PTPN12: variants seen among roughly 807,000 people sequenced by gnomAD.
The protein encoded by PTPN12 is protein tyrosine phosphatase non-receptor type 12.
PTPN12 carries 29 observed loss-of-function variants against 97.6 expected under a neutral mutation model. The ratio of observed to expected loss-of-function variants is 0.30; its 90% CI spans 0.22 to 0.41. PTPN12 has a LOEUF of 0.41. Ranked by LOEUF, PTPN12 falls within the 10% of genes least tolerant of loss-of-function variation. The pLI is 1.00. For missense variants in PTPN12, 819 were observed against 926.0 expected, an observed-to-expected ratio of 0.88 and a Z score of 1.50; for synonymous variants, 327 against 300.4, an observed-to-expected ratio of 1.09 and a Z score of -0.91.
At chr7:77,626,660 TG>T in intron 12 of PTPN12, 44 bp from the exon 13 acceptor site, 1 of 1,525,116 alleles carries the variant, frequency 6.6e-7, no homozygotes, top group Non-Finnish European at 8.8e-7. Flanking sequence ...GGTATCAACT[TG>T]TTTAACAGTC....
At chr7:77,608,721 C>G (rs1036739813) in intron 9 of PTPN12, among the ~76,000 whole-genome samples, 1 of 152,086 alleles carries the variant, frequency 6.6e-6, no homozygotes, top group Non-Finnish European at 1.5e-5. Context: ...ACATGTTAAA[C>G]AGTTCCTTAA....
At chr7:77,628,607 G>A (rs1422411422) in intron 13 of PTPN12, among the ~76,000 whole-genome samples, 2 of 146,678 alleles carry the variant, frequency 1.4e-5, no homozygotes, top group African/African-American at 5.0e-5. Flanking sequence ...TTTTTTTTGA[G>A]TCTTGCACTG....
chr7:77,620,189 C>G (rs1463432686), intron 12 of PTPN12, among the ~76,000 whole-genome samples: 2 of 152,108 alleles, frequency 1.3e-5, no homozygotes, highest in African/African-American at 2.4e-5. Context: ...GTTCTTCTAC[C>G]TCTAACTACA....
chr7:77,603,617 TG>T, intron 8 of PTPN12, among the ~76,000 whole-genome samples: 1 of 152,150 alleles, frequency 6.6e-6, no homozygotes, highest in Non-Finnish European at 1.5e-5. Flanking sequence ...GTGGCCACTC[TG>T]TTTTTTTGTT....
At chr7:77,604,209 C>CATTTTTTTT (rs1554320981) in intron 8 of PTPN12, among the ~76,000 whole-genome samples, 28 of 52,800 alleles carry the variant, frequency 5.3e-4, no homozygotes, top group Admixed American at 1.7e-3. Context: ...TTTTTTCTTC[C>CATTTTTTTT]TTTTTTTTTT....
At chr7:77,583,510 T>C in intron 3 of PTPN12, 45 bp from the exon 4 acceptor site, 1 of 1,198,168 alleles carries the variant, frequency 8.3e-7, no homozygotes, top group Non-Finnish European at 1.2e-6. Context: ...TGAAATATTT[T>C]TGGTAATCAA....
intron 1 of PTPN12, among the ~76,000 whole-genome samples, chr7:77,542,013 TA>T (rs5885025): frequency 0.72 from 109,725 of 152,038 alleles, 41,025 homozygotes; most frequent in East Asian, 0.9. Context: ...ACCTAGGTTT[TA>T]ACTCCACACA....
At chr7:77,557,336 G>A (rs1408985328) in intron 1 of PTPN12, among the ~76,000 whole-genome samples, 2 of 152,082 alleles carry the variant, frequency 1.3e-5, no homozygotes, top group Non-Finnish European at 2.9e-5. Context: ...TACAGTTCAG[G>A]TTTCTTATGG....
chr7:77,619,349 G>A (rs1351593281), intron 12 of PTPN12, among the ~76,000 whole-genome samples: 1 of 152,092 alleles, frequency 6.6e-6, no homozygotes. Context: ...TGGGTCAGAC[G>A]GCCAGGGTCA....
At chr7:77,550,003 CCTAA>C (rs1807409551) in intron 1 of PTPN12, among the ~76,000 whole-genome samples, 1 of 152,166 alleles carries the variant, frequency 6.6e-6, no homozygotes, top group Non-Finnish European at 1.5e-5. Context: ...TTAAAATTAT[CCTAA>C]CTATAGTTCT....
intron 11 of PTPN12, 98 bp from the exon 12 acceptor site, chr7:77,618,382 G>T: frequency 6.3e-6 from 5 of 795,468 alleles, no homozygotes; most frequent in African/African-American, 1.8e-5. Flanking sequence ...AATTGGCATT[G>T]TTTAAGGATT....
At chr7:77,616,452 A>G (rs1473552345) in intron 11 of PTPN12, among the ~76,000 whole-genome samples, 3 of 152,244 alleles carry the variant, frequency 2.0e-5, no homozygotes, top group South Asian at 2.1e-4. Context: ...TGCTGACTTT[A>G]TTCAGTGCAT....
intron 1 of PTPN12, among the ~76,000 whole-genome samples, chr7:77,561,105 G>C (rs141406657): frequency 6.6e-6 from 1 of 151,980 alleles, no homozygotes; most frequent in Non-Finnish European, 1.5e-5. Flanking sequence ...GTTTTTTATA[G>C]AGTTGAGGTT....
chr7:77,567,343 A>G (rs1202139647), intron 1 of PTPN12, among the ~76,000 whole-genome samples: 1 of 152,212 alleles, frequency 6.6e-6, no homozygotes, highest in African/African-American at 2.4e-5. Context: ...GTGTTCTAAA[A>G]GTACATATAA....
intron 11 of PTPN12, among the ~76,000 whole-genome samples, chr7:77,611,322 A>T (rs560562570): frequency 6.6e-6 from 1 of 152,348 alleles, no homozygotes; most frequent in East Asian, 1.9e-4. Context: ...TTACTTTTTT[A>T]AAAAATAATT....
intron 8 of PTPN12, among the ~76,000 whole-genome samples, chr7:77,605,495 C>T (rs1332839908): frequency 1.4e-5 from 2 of 140,138 alleles, no homozygotes; most frequent in Non-Finnish European, 3.0e-5. Flanking sequence ...TCTCAGCTCA[C>T]TGCAACCTCC....
Position 77,537,430 on chromosome 7 carries a change from CG to C in PTPN12, c.-113del. 9.1e-7 allele frequency: 1 copy of C among 1,099,516 alleles called. No individual in the cohort carries two copies. The highest frequency in any genetic ancestry group is 1.1e-6 in the Non-Finnish European group (1 of 899,356). 68.1% of individuals were successfully genotyped at this position (1,099,516 alleles called of 1,614,324 possible). ...AGGAGGAGGGAGCCGCGGGGCTTGG[CG>C]GGGTCGGGAGGGAGGGACGTGCTGG... On this transcript the variant is annotated 5_prime_UTR_variant, in exon 1 of 18. Transcript: ENST00000248594.
At chr7:77,602,366 C>A (rs1788219129) in intron 8 of PTPN12, among the ~76,000 whole-genome samples, 1 of 151,812 alleles carries the variant, frequency 6.6e-6, no homozygotes, top group Non-Finnish European at 1.5e-5. Flanking sequence ...ATATGTAATA[C>A]ATAAAACAAA....
At chr7:77,625,467 T>TC (rs1372689768) in intron 12 of PTPN12, among the ~76,000 whole-genome samples, 2 of 19,918 alleles carry the variant, frequency 1.0e-4, no homozygotes, top group Admixed American at 1.6e-3. Context: ...TTGCCCAGGC[T>TC]GCTCGCTCTC....
Sources: gnomAD v4.1 joint callset for allele counts (sites outside exome capture counted in the v4.1 genomes callset) on GRCh38, gnomAD v4.1.1 for gene constraint, MANE v1.5 for transcripts, NCBI Gene and HGNC (gene_info 2026-07-23, HGNC 2026-07-21) for gene names.